Variants in TEX15 observed in about 807,000 individuals in gnomAD.
The protein encoded by TEX15 is testis-expressed protein 15.
In TEX15, 171 loss-of-function variants were observed where a neutral mutation model predicts 237.3. That is an observed-to-expected ratio of 0.72 (90% CI 0.64 to 0.82). TEX15 has a LOEUF of 0.82. Among genes scored for constraint, TEX15 ranks in the 40% least tolerant of loss-of-function variants. The pLI is 0.00. For missense variants in TEX15, 3,750 were observed against 3,646.5 expected, an observed-to-expected ratio of 1.03 and a Z score of -0.73; for synonymous variants, 1,338 against 1,269.8, an observed-to-expected ratio of 1.05 and a Z score of -1.14.
chr8:30,844,164 A>G lies in TEX15; in HGVS notation c.6003T>C (p.Ser2001=). 2.5e-6 allele frequency: 4 copies of G among 1,613,050 alleles called. No homozygotes were observed. The highest frequency in any genetic ancestry group is 3.4e-6 in the Non-Finnish European group (4 of 1,179,520). The stretch of plus-strand genomic sequence containing the variant: ...CTTCATCTGCCCTCTGCAAAATTTG[A>G]GATAGATTAGCTATAAGGGCCGTAT... ...ANHTALIANL[S]QILQRADEAS... is the part of the protein sequence containing the mutation. The change falls in exon 8 of 11, where the codon TCT becomes TCC. Residue 2001 remains serine, a synonymous_variant. Coordinates refer to ENST00000643185, the MANE Select transcript of TEX15 (RefSeq NM_001350162.2).
chr8:30,875,545 G>T (rs1013690311), intron 3 of TEX15, among the ~76,000 whole-genome samples: 1 of 152,320 alleles, frequency 6.6e-6, no homozygotes, highest in Middle Eastern at 3.4e-3. Flanking sequence ...GATGCTGCCT[G>T]ATACAGTGGC....
intron 2 of TEX15, among the ~76,000 whole-genome samples, chr8:30,890,275 A>G (rs1274567735): frequency 6.6e-6 from 1 of 152,096 alleles, no homozygotes; most frequent in East Asian, 1.9e-4. Context: ...TTAAGCGAAT[A>G]CATTTAGATA....
chr8:30,892,622 AT>A (rs889710939), intron 2 of TEX15, among the ~76,000 whole-genome samples: 2 of 152,090 alleles, frequency 1.3e-5, no homozygotes, highest in African/African-American at 2.4e-5. Flanking sequence ...TACTTTTATA[AT>A]TTTTTTCCCT....
In TEX15 at chr8:30,847,520, A is replaced by G. The variant is rs755364017; in HGVS notation, c.2647T>C (p.Tyr883His). ...TGAGAATCCTGCTTTTTGTCTCCAT[A>G]TATGTTCTCTATGTTGTTTTCTACA... Reference protein sequence around the residue: ...SCVENNIENIYGDKKQDSHTN... With the variant: ...SCVENNIENIHGDKKQDSHTN... The change falls in exon 8 of 11, where the codon TAT becomes CAT. Residue 883 changes from tyrosine (Y) to histidine (H), a missense_variant. By Grantham distance (83) the Tyr-to-His change is moderately conservative (BLOSUM62 2). Transcript: ENST00000643185. 28 of 1,613,212 alleles carry G rather than the reference A, an allele frequency of 1.7e-5. No individual in the cohort carries two copies. The highest frequency in any genetic ancestry group is 4.5e-5 in the East Asian group (2 of 44,846).
At position 30,845,357 on chromosome 8, in the gene TEX15, T is replaced by C. The variant is rs1807576898; in HGVS notation, c.4810A>G (p.Asn1604Asp). 1 of 1,611,910 alleles carries C rather than the reference T, an allele frequency of 6.2e-7. No individual in the cohort carries two copies. Among genetic ancestry groups the C allele is most frequent in the Non-Finnish European group, 8.5e-7 (1 of 1,178,574 alleles). ...ATTACTTCATTAGCGTCACAACTGT[T>C]TTCTTTAGTTGCATCTTTAACATTA... ...NHNVKDATKENSCDANEVINE... is the reference protein window; with the variant it reads ...NHNVKDATKEDSCDANEVINE... The change falls in exon 8 of 11, where the codon AAC becomes GAC. Residue 1604 changes from asparagine to aspartate, a missense_variant. Transcript: ENST00000643185.
chr8:30,837,348 C>T lies in TEX15; in HGVS notation c.8936G>A (p.Gly2979Glu), dbSNP rs775343248. ...TLNPNTVHTF[G>E]ASGHITLNVN... is the part of the protein sequence containing the mutation. ...ATTAAGGGTTATATGCCCAGATGCT[C>T]CAAAAGTATGCACAGTATTGGGATT... Residue 2979 changes from glycine to glutamate, a missense_variant, in exon 10 of 11, where the codon GGA becomes GAA. By Grantham distance (98) the Gly-to-Glu change is moderately conservative. Coordinates refer to ENST00000643185, the MANE Select transcript of TEX15 (RefSeq NM_001350162.2). 3 of 1,614,092 alleles carry T rather than the reference C, an allele frequency of 1.9e-6. No individual in the cohort carries two copies. The highest frequency in any genetic ancestry group is 2.2e-5 in the South Asian group (2 of 91,074).
intron 10 of TEX15, among the ~76,000 whole-genome samples, chr8:30,835,266 A>T (rs1807265624): frequency 6.6e-6 from 1 of 152,000 alleles, no homozygotes; most frequent in South Asian, 2.1e-4. Context: ...TACCACTCCC[A>T]GCTAATTTTT....
rs1228803240 is a variant in TEX15, at chr8:30,847,835, A to C, written c.2332T>G (p.Phe778Val). The C allele has an allele frequency of 1.2e-6, 2 of 1,613,826 alleles. No individual in the cohort carries two copies. The highest frequency in any genetic ancestry group is 3.3e-5 in the Admixed American group (2 of 60,010). Residue 778 changes from phenylalanine to valine, a missense_variant, in exon 8 of 11, where the codon TTC (phenylalanine) becomes GTC (valine). Coordinates refer to ENST00000643185, the MANE Select transcript of TEX15 (RefSeq NM_001350162.2). Reference protein sequence around the residue: ...PKDIPQAKEMFIDTVISSYNI... With the variant: ...PKDIPQAKEMVIDTVISSYNI... ...TAAGATGAAATAACTGTATCAATGA[A>C]CATTTCTTTGGCCTGGGGTATGTCT...
chr8:30,910,887 TG>T (rs1386691411), intron 1 of TEX15, among the ~76,000 whole-genome samples: 2 of 152,280 alleles, frequency 1.3e-5, no homozygotes, highest in East Asian at 3.9e-4. Flanking sequence ...ATCTATGTTT[TG>T]TTTTTTAATT....
chr8:30,852,838 G>A (rs997836359), intron 7 of TEX15, among the ~76,000 whole-genome samples: 1 of 152,214 alleles, frequency 6.6e-6, no homozygotes, highest in African/African-American at 2.4e-5. Flanking sequence ...ATTCAGTGAT[G>A]ATGGAAATGT....
At chr8:30,838,536 T>C (rs938084035) in intron 9 of TEX15, among the ~76,000 whole-genome samples, 9 of 151,762 alleles carry the variant, frequency 5.9e-5, no homozygotes, top group Non-Finnish European at 1.2e-4. Context: ...CTGTTCATCT[T>C]TGAGAATAGG....
In TEX15 at chr8:30,881,254, C is replaced by T. The variant is rs145253295; in HGVS notation, c.136+5913G>A. ...CTTGGAACCATGGTAATATTAATCTCATATTATTATTCTCTCAATTTCTAT... is the reference window on the plus strand; with the variant it reads ...CTTGGAACCATGGTAATATTAATCTTATATTATTATTCTCTCAATTTCTAT... On this transcript the variant is annotated intron_variant, in intron 3 of 10. Transcript: ENST00000643185. 1.4e-3 allele frequency among the ~76,000 whole-genome samples: 219 copies of T among 152,070 alleles called. 1 individual carries two copies. The highest frequency in any genetic ancestry group is 5.1e-3 in the African/African-American group (211 of 41,468).
In TEX15 at chr8:30,845,581, C is replaced by A. The variant is rs755961676; in HGVS notation, c.4586G>T (p.Ser1529Ile). The change falls in exon 8 of 11, where the codon AGT (serine) becomes ATT (isoleucine). Residue 1529 changes from serine to isoleucine, a missense_variant. Coordinates refer to ENST00000643185, the MANE Select transcript of TEX15 (RefSeq NM_001350162.2). ...LPVSSTSQST[S>I]QSVYYNSSVS... The stretch of plus-strand genomic sequence containing the variant: ...ACTGCTATTATAATAAACTGACTGA[C>A]TTGTACTTTGGGATGTGGAGGATAC... The A allele has an allele frequency of 6.2e-7, 1 of 1,613,560 alleles. No individual in the cohort carries two copies. The highest frequency in any genetic ancestry group is 8.5e-7 in the Non-Finnish European group (1 of 1,179,600).
rs753943030 is a variant in TEX15, at chr8:30,833,316, C to T, written c.9489G>A (p.Trp3163Ter). 2.1e-5 allele frequency: 33 copies of T among 1,593,568 alleles called. No individual in the cohort carries two copies. The highest frequency in any genetic ancestry group is 2.8e-5 in the Non-Finnish European group (33 of 1,169,172). ...GTCCTGGATGAAAGGATTCTTGGTG[C>T]CATGGAGCTGGAAGAAAAAACACCA... ...PPEVPWVYAP[W>*]HQESFHPGH The change falls in exon 11 of 11, where the codon TGG (tryptophan) becomes TGA (stop). Residue 3163 changes from tryptophan (W) to a stop codon, truncating the protein, a stop_gained. Coordinates refer to ENST00000643185, the MANE Select transcript of TEX15 (RefSeq NM_001350162.2). LOFTEE classifies it high-confidence loss of function.
intron 3 of TEX15, 42 bp from the exon 4 acceptor site, chr8:30,875,144 A>G (rs1334077347): frequency 5.1e-6 from 6 of 1,173,356 alleles, no homozygotes; most frequent in Admixed American, 4.2e-5. Flanking sequence ...TTAAAATGAC[A>G]TTATTGGACA....
At chr8:30,909,975 T>C (rs141546296) in intron 1 of TEX15, among the ~76,000 whole-genome samples, 155 of 152,260 alleles carry the variant, frequency 1.0e-3, no homozygotes, top group African/African-American at 3.4e-3. Flanking sequence ...AAATCCCCTC[T>C]ATCATCCTTC....
intron 1 of TEX15, among the ~76,000 whole-genome samples, chr8:30,912,355 G>A (rs1171589767): frequency 1.2e-5 from 1 of 80,760 alleles, no homozygotes; most frequent in Non-Finnish European, 2.6e-5. Flanking sequence ...CCCCGCCCCC[G>A]CGGATATCCC....
intron 1 of TEX15, among the ~76,000 whole-genome samples, chr8:30,899,598 G>A (rs571823920): frequency 6.6e-6 from 1 of 152,204 alleles, no homozygotes; most frequent in Admixed American, 6.5e-5. Flanking sequence ...TTACAGGCAT[G>A]TGCCACCGTG....
intron 3 of TEX15, among the ~76,000 whole-genome samples, chr8:30,885,569 G>C (rs1277329145): frequency 1.3e-5 from 2 of 152,066 alleles, no homozygotes; most frequent in African/African-American, 2.4e-5. Context: ...ATTAATACAT[G>C]GTCTGAGAGG....
Sources: allele counts gnomAD v4.1 joint callset (sites outside exome capture counted in the v4.1 genomes callset), GRCh38; gene constraint gnomAD v4.1.1; transcripts MANE v1.5; gene names NCBI Gene and HGNC (gene_info 2026-07-23, HGNC 2026-07-21).